ESCO1: variants seen among roughly 807,000 people sequenced by gnomAD.
The protein encoded by ESCO1 is N-acetyltransferase ESCO1.
Under a neutral mutation model 83.5 loss-of-function variants are expected in ESCO1, and 33 were observed. That is an observed-to-expected ratio of 0.40 (90% CI 0.30 to 0.53). The LOEUF is 0.53. Among genes scored for constraint, ESCO1 ranks in the 20% least tolerant of loss-of-function variants. ESCO1 has a pLI of 0.63. For synonymous variants in ESCO1, 332 were observed against 324.3 expected (o/e 1.02, Z -0.25); for missense variants, 855 against 968.0 (o/e 0.88, Z 1.55).
chr18:21,553,904 C>CCAAAATA (rs1221320842), intron 8 of ESCO1, among the ~76,000 whole-genome samples: 2 of 149,968 alleles, frequency 1.3e-5, no homozygotes, highest in Non-Finnish European at 3.0e-5. Context: ...AAACCGTTAC[C>CCAAAATA]CAAAATATAC....
intron 8 of ESCO1, among the ~76,000 whole-genome samples, chr18:21,545,500 G>C (rs947796649): frequency 6.7e-6 from 1 of 148,714 alleles, no homozygotes; most frequent in Non-Finnish European, 1.5e-5. Context: ...CTGAACCTGG[G>C]AGGCAGAGGC....
chr18:21,575,828 T>G (rs1481460453), intron 2 of ESCO1, 51 bp from the exon 3 acceptor site: 2 of 396,608 alleles, frequency 5.0e-6, no homozygotes, highest in Non-Finnish European at 8.9e-6. Flanking sequence ...AGGAAAGATG[T>G]AATCATCCAT....
chr18:21,541,549 C>T (rs1019348347), intron 8 of ESCO1, among the ~76,000 whole-genome samples: 80 of 145,886 alleles, frequency 5.5e-4, no homozygotes, highest in African/African-American at 2.0e-3. Context: ...GCTGAGTTCG[C>T]GCCATTGCAC....
intron 8 of ESCO1, among the ~76,000 whole-genome samples, chr18:21,545,226 T>C (rs749207737): frequency 2.0e-5 from 3 of 152,182 alleles, no homozygotes; most frequent in Non-Finnish European, 4.4e-5. Flanking sequence ...TGAGACACCA[T>C]GTCTAGCCTG....
At chr18:21,557,562 C>G (rs2146194586) in intron 8 of ESCO1, among the ~76,000 whole-genome samples, 1 of 152,280 alleles carries the variant, frequency 6.6e-6, no homozygotes, top group African/African-American at 2.4e-5. Flanking sequence ...TTTCTTTCAG[C>G]CTTTGTTCCT....
intron 10 of ESCO1, among the ~76,000 whole-genome samples, chr18:21,535,031 T>C (rs1568090704): frequency 6.6e-6 from 1 of 152,104 alleles, no homozygotes; most frequent in East Asian, 1.9e-4. Flanking sequence ...AAAGTAGCCA[T>C]AAATATGTAA....
At chr18:21,558,746 A>AC (rs2038145531) in intron 8 of ESCO1, among the ~76,000 whole-genome samples, 1 of 151,894 alleles carries the variant, frequency 6.6e-6, no homozygotes, top group Non-Finnish European at 1.5e-5. Flanking sequence ...AAAAAAAAAA[A>AC]AACTTGTTTT....
chr18:21,581,430 A>G (rs2038501118), intron 2 of ESCO1, among the ~76,000 whole-genome samples: 1 of 152,050 alleles, frequency 6.6e-6, no homozygotes, highest in Admixed American at 6.6e-5. Flanking sequence ...AACAGAACAA[A>G]ATAGACTCTA....
chr18:21,593,908 G>A (rs2038722829), intron 1 of ESCO1, among the ~76,000 whole-genome samples: 1 of 151,714 alleles, frequency 6.6e-6, no homozygotes, highest in Non-Finnish European at 1.5e-5. Flanking sequence ...GTGGGTTTGT[G>A]ACCCAAGAGG....
intron 5 of ESCO1, among the ~76,000 whole-genome samples, chr18:21,567,480 T>TA (rs963949270): frequency 4.9e-4 from 71 of 144,428 alleles, no homozygotes; most frequent in South Asian, 6.5e-4. Flanking sequence ...AATGTGTTAT[T>TA]AAAAAAAAAA....
chr18:21,561,876 T>C (rs1196528093), intron 7 of ESCO1, among the ~76,000 whole-genome samples: 3 of 150,388 alleles, frequency 2.0e-5, no homozygotes, highest in Non-Finnish European at 4.4e-5. Flanking sequence ...GTAGACTCTT[T>C]TTTATTTTTA....
intron 1 of ESCO1, among the ~76,000 whole-genome samples, chr18:21,592,376 G>A (rs1480744581): frequency 7.7e-5 from 1 of 13,020 alleles, no homozygotes; most frequent in African/African-American, 1.7e-4. Flanking sequence ...CCGGGCGGGG[G>A]ACTGACCCCC....
chr18:21,552,861 A>C (rs2146189727), intron 8 of ESCO1, among the ~76,000 whole-genome samples: 1 of 152,362 alleles, frequency 6.6e-6, no homozygotes, highest in Non-Finnish European at 1.5e-5. Context: ...AAAATGCAGA[A>C]ATATAAGTAA....
chr18:21,559,653 G>C (rs2038157645), intron 8 of ESCO1, among the ~76,000 whole-genome samples: 1 of 152,106 alleles, frequency 6.6e-6, no homozygotes, highest in South Asian at 2.1e-4. Context: ...TTTTGTCCTA[G>C]AAGTATTCTA....
chr18:21,585,709 C>G (rs568902382), intron 1 of ESCO1, among the ~76,000 whole-genome samples: 1 of 152,276 alleles, frequency 6.6e-6, no homozygotes, highest in African/African-American at 2.4e-5. Flanking sequence ...CATCCCATCT[C>G]AGCCTCCTGA....
At chr18:21,583,473 A>ACTAAAAATACAAAAATAAACCCCG (rs2038531364) in intron 2 of ESCO1, among the ~76,000 whole-genome samples, 1 of 152,030 alleles carries the variant, frequency 6.6e-6, no homozygotes, top group African/African-American at 2.4e-5. Flanking sequence ...GTGAAACCCC[A>ACTAAAAATACAAAAATAAACCCCG]TCTCTACTAA....
Position 21,564,279 on chromosome 18 carries a change from G to C in ESCO1, c.1745C>G (p.Ser582Cys). The C allele has an allele frequency of 1.2e-6, 2 of 1,611,300 alleles. No individual in the cohort carries two copies. Among genetic ancestry groups the C allele is most frequent in the African/African-American group, 1.3e-5 (1 of 74,858 alleles). ...PRNHSLPKCNSHLEITIPKDL... is the reference protein window; with the variant it reads ...PRNHSLPKCNCHLEITIPKDL... ...CTTTGGAATTGTTATCTCCAAATGGGAATTACACTTAGGCAAAGAATGATT... is the reference window on the plus strand; with the variant it reads ...CTTTGGAATTGTTATCTCCAAATGGCAATTACACTTAGGCAAAGAATGATT... Residue 582 changes from serine (S) to cysteine (C), a missense_variant, in exon 7 of 12, where the codon TCC (serine) becomes TGC (cysteine). This residue lies in a region of ESCO1 where 726 missense variants were observed against 699.5 expected (regional missense o/e 1.04). Coordinates refer to ENST00000269214, the MANE Select transcript of ESCO1 (RefSeq NM_052911.3).
chr18:21,600,201 C>T (rs2038823073), intron 1 of ESCO1, among the ~76,000 whole-genome samples: 1 of 152,254 alleles, frequency 6.6e-6, no homozygotes, highest in Non-Finnish European at 1.5e-5. Flanking sequence ...ACGCAGGGGG[C>T]GGAGACGGGG....
chr18:21,588,926 T>C (rs1471023208), intron 1 of ESCO1, among the ~76,000 whole-genome samples: 2 of 151,568 alleles, frequency 1.3e-5, no homozygotes, highest in Non-Finnish European at 2.9e-5. Context: ...ACAGAGATGA[T>C]TTAATTTTAG....
Sources: allele counts gnomAD v4.1 joint callset (sites outside exome capture counted in the v4.1 genomes callset), GRCh38; gene constraint gnomAD v4.1.1; regional missense constraint gnomAD v4.1.1; transcripts MANE v1.5; gene names NCBI Gene and HGNC (gene_info 2026-07-23, HGNC 2026-07-21).